The following PDE1C variants were observed in gnomAD, a reference collection of about 807,000 sequenced individuals.
PDE1C encodes dual specificity calcium/calmodulin-dependent 3',5'-cyclic nucleotide phosphodiesterase 1C.
A neutral mutation model predicts 93.1 loss-of-function variants in PDE1C; 62 were observed. The ratio of observed to expected loss-of-function variants is 0.67; its 90% CI spans 0.54 to 0.82. The LOEUF (loss-of-function observed/expected upper bound fraction) is 0.82. PDE1C is among the 40% of genes least tolerant of loss of function. The pLI is 0.00. For synonymous variants in PDE1C, 325 were observed against 310.1 expected (o/e 1.05, Z -0.50); for missense variants, 742 against 884.6 (o/e 0.84, Z 2.04).
intron 1 of PDE1C, among the ~76,000 whole-genome samples, chr7:32,285,008 C>T (rs572499604): frequency 5.6e-5 from 8 of 143,434 alleles, no homozygotes; most frequent in Admixed American, 2.2e-4. Flanking sequence ...CCAGCCTGGG[C>T]GACAGAGCGA....
intron 16 of PDE1C, among the ~76,000 whole-genome samples, chr7:31,802,916 A>G (rs1786249808): frequency 6.6e-6 from 1 of 151,578 alleles, no homozygotes; most frequent in Non-Finnish European, 1.5e-5. Context: ...TGTGCTTGAG[A>G]TGTATTGAGC....
chr7:31,973,624 C>T (rs949570575), intron 2 of PDE1C, among the ~76,000 whole-genome samples: 4 of 152,062 alleles, frequency 2.6e-5, no homozygotes, highest in African/African-American at 9.7e-5. Context: ...TTAAAAAATT[C>T]CTATGAAGTA....
At chr7:32,207,869 T>C (rs955830384) in intron 2 of PDE1C, among the ~76,000 whole-genome samples, 10 of 152,340 alleles carry the variant, frequency 6.6e-5, no homozygotes, top group African/African-American at 1.2e-4. Context: ...TGTCTTGTAG[T>C]GAGCCTCTGG....
chr7:31,736,468 G>A, the PDE1C span, among the ~76,000 whole-genome samples: 4 of 152,278 alleles, frequency 2.6e-5, no homozygotes, highest in Non-Finnish European at 5.9e-5. Flanking sequence ...GGCTCAATAT[G>A]TGTTTGCTGA....
At chr7:32,363,147 T>G (rs1318930617) in intron 1 of PDE1C, among the ~76,000 whole-genome samples, 1 of 152,180 alleles carries the variant, frequency 6.6e-6, no homozygotes. Context: ...GGGGGCATCT[T>G]TATTAGTATT....
rs181839002 is a variant in PDE1C, at chr7:32,278,095, C to T, written c.85+20556G>A. ...AGCAAAAAAAAAAGAAGCTGAAACACGGGCAGATGGAAATTAAACACAACG... is the reference window on the plus strand; with the variant it reads ...AGCAAAAAAAAAAGAAGCTGAAACATGGGCAGATGGAAATTAAACACAACG... On this transcript the variant is annotated intron_variant, in intron 1 of 18. Transcript: ENST00000396193. 3.4e-3 allele frequency among the ~76,000 whole-genome samples: 439 copies of T among 131,008 alleles called. 1 individual carries two copies. The highest frequency in any genetic ancestry group is 2.8e-3 in the Admixed American group (34 of 12,170). The allele number at this position is 131,008 out of a possible 152,430, so 85.9% of individuals were successfully genotyped here.
chr7:31,703,428 A>G, the PDE1C span, among the ~76,000 whole-genome samples: 2 of 152,212 alleles, frequency 1.3e-5, no homozygotes, highest in African/African-American at 4.8e-5. Flanking sequence ...AACACAGCGT[A>G]AACAAGAGTT....
At chr7:32,284,127 G>A (rs1047705029) in intron 1 of PDE1C, among the ~76,000 whole-genome samples, 1 of 152,078 alleles carries the variant, frequency 6.6e-6, no homozygotes, top group Non-Finnish European at 1.5e-5. Context: ...TAATACACCC[G>A]TAACCCATAG....
intron 2 of PDE1C, among the ~76,000 whole-genome samples, chr7:31,978,701 T>A (rs181928492): frequency 0.012 from 1,860 of 152,280 alleles, 14 homozygotes; most frequent in Non-Finnish European, 0.021. Context: ...ATTAACCTGA[T>A]GCCAGGGATG....
intron 2 of PDE1C, among the ~76,000 whole-genome samples, chr7:31,889,092 C>T (rs149566341): frequency 1.3e-3 from 194 of 152,264 alleles, no homozygotes; most frequent in African/African-American, 4.5e-3. Context: ...CCTAAATTCA[C>T]CTGTAGATTA....
At chr7:32,388,290 A>G (rs1455863103) in intron 1 of PDE1C, among the ~76,000 whole-genome samples, 2 of 152,232 alleles carry the variant, frequency 1.3e-5, no homozygotes, top group Non-Finnish European at 2.9e-5. Flanking sequence ...GGTCAGGAAC[A>G]AGGAGAAACC....
intron 1 of PDE1C, among the ~76,000 whole-genome samples, chr7:32,423,413 C>T (rs1327277974): frequency 1.3e-5 from 2 of 152,158 alleles, no homozygotes; most frequent in African/African-American, 2.4e-5. Context: ...AGAAATGCAA[C>T]TCTCAGGTTG....
the PDE1C span, among the ~76,000 whole-genome samples, chr7:31,639,456 A>G: frequency 1.3e-5 from 2 of 150,668 alleles, no homozygotes; most frequent in African/African-American, 4.9e-5. Context: ...AATATCTTGC[A>G]TATATCCACT....
intron 2 of PDE1C, among the ~76,000 whole-genome samples, chr7:32,205,800 C>T (rs1033934162): frequency 1.3e-5 from 2 of 152,128 alleles, no homozygotes; most frequent in Non-Finnish European, 2.9e-5. Context: ...GACATGCCAC[C>T]TTTAAGAGCT....
intron 1 of PDE1C, among the ~76,000 whole-genome samples, chr7:32,346,937 G>A (rs1426299848): frequency 6.6e-6 from 1 of 152,194 alleles, no homozygotes; most frequent in Non-Finnish European, 1.5e-5. Flanking sequence ...TGTAGGAACA[G>A]GCATTGAGTG....
chr7:31,632,017 C>T, the PDE1C span, among the ~76,000 whole-genome samples: 123,072 of 152,092 alleles, frequency 0.81, 50,538 homozygotes, highest in East Asian at 0.99. Flanking sequence ...GGAATGAAGG[C>T]TTCCAGTAGA....
intron 17 of PDE1C, among the ~76,000 whole-genome samples, chr7:31,771,189 C>A (rs569886496): frequency 2.0e-4 from 31 of 152,294 alleles, no homozygotes; most frequent in East Asian, 9.7e-4. Flanking sequence ...GTTCCAGTTG[C>A]CAATTTCTGT....
At chr7:32,138,480 A>AT (rs1473740385) in intron 3 of PDE1C, among the ~76,000 whole-genome samples, 3 of 152,042 alleles carry the variant, frequency 2.0e-5, no homozygotes, top group Admixed American at 6.6e-5. Flanking sequence ...ACAAGCTGTA[A>AT]TTTTTTACTG....
chr7:32,225,391 C>T (rs952335012), intron 1 of PDE1C, among the ~76,000 whole-genome samples: 2 of 152,140 alleles, frequency 1.3e-5, no homozygotes, highest in Admixed American at 1.3e-4. Flanking sequence ...TACACACACA[C>T]TCACAGCCCC....
Sources: gnomAD v4.1 joint callset for allele counts (sites outside exome capture counted in the v4.1 genomes callset) on GRCh38, gnomAD v4.1.1 for gene constraint, MANE v1.5 for transcripts, NCBI Gene and HGNC (gene_info 2026-07-23, HGNC 2026-07-21) for gene names.